The following SLC7A6OS variants were observed in gnomAD, a reference collection of about 807,000 sequenced individuals.
SLC7A6OS encodes the protein solute carrier family 7 member 6 opposite strand.
SLC7A6OS carries 22 observed loss-of-function variants against 34.3 expected under a neutral mutation model. That is an observed-to-expected ratio of 0.64 (90% CI 0.46 to 0.92). The LOEUF is 0.92. Ranked by LOEUF, SLC7A6OS falls within the 40% of genes least tolerant of loss-of-function variation. The pLI is 0.00. For synonymous variants in SLC7A6OS, 199 were observed against 165.0 expected, an observed-to-expected ratio of 1.21 and a Z score of -1.58; for missense variants, 434 against 407.7, an observed-to-expected ratio of 1.06 and a Z score of -0.56.
At chr16:68,308,317 A>G (rs1434178070) in intron 2 of SLC7A6OS, among the ~76,000 whole-genome samples, 1 of 152,132 alleles carries the variant, frequency 6.6e-6, no homozygotes, top group South Asian at 2.1e-4. Context: ...GACATCATAC[A>G]CAAATTGCTA....
intron 2 of SLC7A6OS, among the ~76,000 whole-genome samples, chr16:68,308,401 G>A (rs570987507): frequency 6.6e-6 from 1 of 151,796 alleles, no homozygotes; most frequent in African/African-American, 2.4e-5. Flanking sequence ...GCCGATGCGG[G>A]TGGATCACCT....
intron 4 of SLC7A6OS, 137 bp from the exon 5 acceptor site, chr16:68,301,542 T>G: frequency 1.6e-6 from 1 of 644,170 alleles, no homozygotes; most frequent in Non-Finnish European, 2.4e-6. Context: ...AAAAAGAATA[T>G]AGAATTCTTT....
At chr16:68,310,688 G>C (rs763179437) in intron 1 of SLC7A6OS, 47 bp downstream of exon 1, 128 of 1,581,240 alleles carry the variant, frequency 8.1e-5, no homozygotes, top group Middle Eastern at 1.7e-4. Context: ...TTTCGTACCG[G>C]CTGCACCCGA....
intron 3 of SLC7A6OS, among the ~76,000 whole-genome samples, chr16:68,302,938 G>A (rs1024525910): frequency 2.0e-5 from 3 of 152,318 alleles, no homozygotes; most frequent in Non-Finnish European, 2.9e-5. Flanking sequence ...ACCATTAGGT[G>A]CCACCTTAAG....
rs557353588 is a variant in SLC7A6OS, at chr16:68,298,208, C to T, written c.*3067G>A. The T allele has an allele frequency of 6.5e-6, 1 of 152,740 alleles. No individual in the cohort carries two copies. Among genetic ancestry groups the T allele is most frequent in the East Asian group, 1.9e-4 (1 of 5,184 alleles). The allele number at this position is 152,740 out of a possible 1,614,324, so 9.5% of individuals were successfully genotyped here. ...GGACAATCCTTTATTTTACTTGAGA[C>T]CTTACATCTTTGTTCTAGCTGACAG... On this transcript the variant is annotated 3_prime_UTR_variant, in exon 5 of 5. Transcript: ENST00000263997.
intron 2 of SLC7A6OS, among the ~76,000 whole-genome samples, chr16:68,307,841 ATC>A (rs1189975988): frequency 1.6e-4 from 24 of 151,996 alleles, no homozygotes; most frequent in African/African-American, 5.6e-4. Flanking sequence ...TACTGGAAAA[ATC>A]TCTGTTCATA....
At chr16:68,302,121 T>C (rs2043286840) in intron 4 of SLC7A6OS, 1 of 453,598 alleles carries the variant, frequency 2.2e-6, no homozygotes, top group African/African-American at 2.0e-5. Context: ...TGAGGCTCAG[T>C]GAGGTGAAGT....
chr16:68,309,808 A>G (rs1448267640), intron 2 of SLC7A6OS, among the ~76,000 whole-genome samples: 1 of 152,188 alleles, frequency 6.6e-6, no homozygotes, highest in Non-Finnish European at 1.5e-5. Context: ...GCAAGTACCT[A>G]GCAGGCATCC....
At position 68,301,144 on chromosome 16, in the gene SLC7A6OS, CGATATGCTT is replaced by C. The variant is rs1789376691; in HGVS notation, c.*122_*130del. Reference sequence around the variant, plus strand: ...TTCACTGTGGTGGGATGGTGCCGCCCGATATGCTTGATATGCTTTTCCTTCCACATGTTA... The same window carrying C: ...TTCACTGTGGTGGGATGGTGCCGCCCGATATGCTTTTCCTTCCACATGTTA... On this transcript the variant is annotated 3_prime_UTR_variant, in exon 5 of 5. Coordinates refer to ENST00000263997, the MANE Select transcript of SLC7A6OS (RefSeq NM_032178.3). The C allele has an allele frequency of 1.4e-6, 2 of 1,455,676 alleles. No individual in the cohort carries two copies. The highest frequency in any genetic ancestry group is 1.4e-5 in the African/African-American group (1 of 70,406). The allele number at this position is 1,455,676 out of a possible 1,614,324, so 90.2% of individuals were successfully genotyped here. A position where few individuals can be genotyped will look rare whatever the true frequency, so the allele number is the denominator to read the frequency against.
rs898086792 is a variant in SLC7A6OS at position 68,310,216 on chromosome 16, G to C, written c.471+119C>G. 4.4e-6 allele frequency: 5 copies of C among 1,137,232 alleles called. No individual in the cohort carries two copies. The East Asian group carries it at 1.3e-4, about 29-fold the overall frequency. The allele number at this position is 1,137,232 out of a possible 1,614,324, so 70.4% of individuals were successfully genotyped here. A position where few individuals can be genotyped will look rare whatever the true frequency, so the allele number is the denominator to read the frequency against. The stretch of plus-strand genomic sequence containing the variant: ...ATGAACAACCAAATCTGTAAAATGA[G>C]GCCGTCACGCCGGATGGATCATCCA... On this transcript the variant is annotated intron_variant, in intron 2 of 4. Coordinates refer to ENST00000263997, the MANE Select transcript of SLC7A6OS (RefSeq NM_032178.3).
Position 68,301,313 on chromosome 16 carries a change from ACTC to A in SLC7A6OS, c.889_891del (p.Glu297del), listed in dbSNP as rs1226408531. On this transcript the variant is annotated inframe_deletion, in exon 5 of 5. Coordinates refer to ENST00000263997, the MANE Select transcript of SLC7A6OS (RefSeq NM_032178.3). ...AGGTCGTGGGGGCTGTCATAGCCGA[ACTC>A]CTTCTGCACATCCAGAGGGTACTTG... The A allele has an allele frequency of 6.2e-7, 1 of 1,614,022 alleles. No homozygotes were observed.
chr16:68,304,305 G>A (rs2043310522), intron 2 of SLC7A6OS, 73 bp from the exon 3 acceptor site: 2 of 1,383,634 alleles, frequency 1.4e-6, no homozygotes, highest in African/African-American at 2.9e-5. Context: ...GAACCTATGA[G>A]TTGGGTGAAG....
chr16:68,306,990 C>A (rs747553770), intron 2 of SLC7A6OS, among the ~76,000 whole-genome samples: 2 of 152,286 alleles, frequency 1.3e-5, no homozygotes, highest in South Asian at 2.1e-4. Flanking sequence ...CAGGTGTGAA[C>A]TACTGAGCCC....
chr16:68,303,818 A>C (rs1200522191), intron 3 of SLC7A6OS: 2 of 571,270 alleles, frequency 3.5e-6, no homozygotes, highest in Non-Finnish European at 6.2e-6. Context: ...ATTAATGTAA[A>C]AATGATCAAT....
At chr16:68,306,569 C>G (rs1211603544) in intron 2 of SLC7A6OS, among the ~76,000 whole-genome samples, 1 of 152,146 alleles carries the variant, frequency 6.6e-6, no homozygotes, top group Non-Finnish European at 1.5e-5. Flanking sequence ...TGGCCTTGAA[C>G]TCCTAGCCTT....
rs2043469755 is a variant in SLC7A6OS, at chr16:68,310,528, G to A, written c.278C>T (p.Ser93Leu). ...QQRVRRNLRA[S>L]AREVRQEGRY... Reference sequence around the variant, plus strand: ...GCCCTCCTGCCGGACCTCCCGAGCCGAGGCGCGGAGATTACGGCGGACACG... The same window carrying A: ...GCCCTCCTGCCGGACCTCCCGAGCCAAGGCGCGGAGATTACGGCGGACACG... The change falls in exon 2 of 5, where the codon TCG (serine) becomes TTG (leucine). Residue 93 changes from serine (S) to leucine (L), a missense_variant. Ser to Leu is a moderately radical substitution (Grantham distance 145, BLOSUM62 -2). Coordinates refer to ENST00000263997, the MANE Select transcript of SLC7A6OS (RefSeq NM_032178.3). 23 of 1,582,694 alleles carry A rather than the reference G, an allele frequency of 1.5e-5. No homozygotes were observed. The highest frequency in any genetic ancestry group is 1.9e-5 in the Non-Finnish European group (22 of 1,165,342).
At chr16:68,304,277 A>C in intron 2 of SLC7A6OS, 45 bp from the exon 3 acceptor site, 2 of 1,538,824 alleles carry the variant, frequency 1.3e-6, no homozygotes, top group Non-Finnish European at 1.8e-6. Context: ...GACCCAAAAC[A>C]TGATGTTCCA....
Position 68,310,416 on chromosome 16 carries a change from G to C in SLC7A6OS, c.390C>G (p.Ala130=), listed in dbSNP as rs367992726. The change falls in exon 2 of 5, where the codon GCC becomes GCG. Residue 130 remains alanine (A), a synonymous_variant. Coordinates refer to ENST00000263997, the MANE Select transcript of SLC7A6OS (RefSeq NM_032178.3). ...ACAACTGAAAGCCCGAGTTCCCGGC[G>C]GCTTCTGGGTTCCCCGGCGTGTACT... ...ESEYTPGNPE[A]AGNSGFQLLD... The C allele has an allele frequency of 1.6e-4, 250 of 1,610,520 alleles. No individual in the cohort carries two copies. Among genetic ancestry groups the C allele is most frequent in the Non-Finnish European group, 1.9e-4 (219 of 1,178,758 alleles).
chr16:68,307,223 A>G (rs2043333837), intron 2 of SLC7A6OS, among the ~76,000 whole-genome samples: 1 of 152,224 alleles, frequency 6.6e-6, no homozygotes, highest in Admixed American at 6.5e-5. Context: ...TGAGGATTAA[A>G]TGAGTTAAAT....
Sources: allele counts gnomAD v4.1 joint callset (sites outside exome capture counted in the v4.1 genomes callset), GRCh38; gene constraint gnomAD v4.1.1; transcripts MANE v1.5; gene names NCBI Gene and HGNC (gene_info 2026-07-23, HGNC 2026-07-21).